Variants in PCDHA4 observed in about 807,000 individuals in gnomAD.
PCDHA4 encodes the protein protocadherin alpha-4.
A neutral mutation model predicts 61.4 loss-of-function variants in PCDHA4; 49 were observed. The observed-to-expected ratio is 0.80, with a 90% confidence interval of 0.63 to 1.01. The LOEUF (loss-of-function observed/expected upper bound fraction) is 1.01, where lower values mean the gene tolerates loss of function less well. Among genes scored for constraint, PCDHA4 ranks in the 50% least tolerant of loss-of-function variants. The probability of loss-of-function intolerance (pLI) is 0.00; values close to 1 mark genes in which losing one functional copy is unlikely to be tolerated. For missense variants in PCDHA4, 1,254 were observed against 1,235.8 expected, an observed-to-expected ratio of 1.01 and a Z score of -0.22; for synonymous variants, 590 against 550.3, an observed-to-expected ratio of 1.07 and a Z score of -1.01.
rs2098414068 is a variant in PCDHA4 at position 141,009,729 on chromosome 5, G to T, written c.2636G>T (p.Gly879Val). The T allele has an allele frequency of 6.2e-7, 1 of 1,614,168 alleles. No homozygotes were observed. The highest frequency in any genetic ancestry group is 8.5e-7 in the Non-Finnish European group (1 of 1,180,028). ...GGCAACCCCAAACAATCCGGTCCCG[G>T]TGAGTTGCCCGACAAATTCATTATC... is the stretch of plus-strand genomic sequence containing the variant. ...GPGNPKQSGPGELPDKFIIPG... is the reference protein window; with the variant it reads ...GPGNPKQSGPVELPDKFIIPG... Residue 879 changes from glycine (G) to valine (V), a missense_variant, in exon 4 of 4, where the codon GGT becomes GTT. Transcript: ENST00000530339.
chr5:140,853,024 G>T, intron 1 of PCDHA4: 1 of 260,054 alleles, frequency 3.8e-6, no homozygotes, highest in Non-Finnish European at 6.3e-6. Context: ...GACTACAGGC[G>T]CCTGCCACCA....
At chr5:140,928,271 C>G in intron 1 of PCDHA4, 2 of 1,614,186 alleles carry the variant, frequency 1.2e-6, no homozygotes, top group East Asian at 4.5e-5. Flanking sequence ...AACAATGGCC[C>G]TGGGGCCTCT....
intron 2 of PCDHA4, among the ~76,000 whole-genome samples, chr5:140,980,115 G>A (rs1263722649): frequency 6.6e-6 from 1 of 152,142 alleles, no homozygotes; most frequent in African/African-American, 2.4e-5. Flanking sequence ...ATTGGAACCT[G>A]GGTCATAATT....
At chr5:140,952,057 C>T (rs1214818651) in intron 1 of PCDHA4, among the ~76,000 whole-genome samples, 1 of 152,164 alleles carries the variant, frequency 6.6e-6, no homozygotes, top group Non-Finnish European at 1.5e-5. Flanking sequence ...AATCTTAAAG[C>T]TCCAAATAAT....
intron 1 of PCDHA4, chr5:140,848,650 T>C (rs1343958164): frequency 6.3e-6 from 10 of 1,592,776 alleles, no homozygotes; most frequent in Non-Finnish European, 8.6e-6. Flanking sequence ...GCGCAGGACC[T>C]GGGGCTGGAG....
intron 1 of PCDHA4, chr5:140,824,623 T>TGTTTG (rs1562279853): frequency 7.6e-6 from 1 of 132,188 alleles, no homozygotes; most frequent in African/African-American, 3.3e-5. Flanking sequence ...TTTTTTTTTT[T>TGTTTG]TTTTTTTTTA....
At position 140,858,127 on chromosome 5, in the gene PCDHA4, T is replaced by C. The variant is rs782220285; in HGVS notation, c.2385+48555T>C. 41 of 1,597,502 alleles carry C rather than the reference T, an allele frequency of 2.6e-5. 1 individual carries two copies. The highest frequency in any genetic ancestry group is 1.7e-4 in the Admixed American group (10 of 59,294). ...TGGCGCCCGAGGTGGCCCTGGTGGATGTCAACGTGTACCTGATCATCGCCA... is the reference window on the plus strand; with the variant it reads ...TGGCGCCCGAGGTGGCCCTGGTGGACGTCAACGTGTACCTGATCATCGCCA... On this transcript the variant is annotated intron_variant, in intron 1 of 3. Coordinates refer to ENST00000530339, the MANE Select transcript of PCDHA4 (RefSeq NM_018907.4).
chr5:140,914,771 ACTTAT>A (rs1394572780), intron 1 of PCDHA4, among the ~76,000 whole-genome samples: 1 of 151,760 alleles, frequency 6.6e-6, no homozygotes, highest in Non-Finnish European at 1.5e-5. Context: ...GAGGTTTATG[ACTTAT>A]CTTATGACCC....
intron 3 of PCDHA4, among the ~76,000 whole-genome samples, chr5:141,008,500 A>C (rs2098379990): frequency 6.6e-6 from 1 of 152,072 alleles, no homozygotes; most frequent in African/African-American, 2.4e-5. Context: ...GGTATACTTT[A>C]TGGTGTGTCT....
rs1479171365 is a variant in PCDHA4, at chr5:140,869,633, A to AT, written c.2385+60066dup. 9 of 1,613,494 alleles carry AT rather than the reference A, an allele frequency of 5.6e-6. No homozygotes were observed. In the African/African-American group the frequency reaches 8.0e-5, roughly 14 times the overall value. On this transcript the variant is annotated intron_variant, in intron 1 of 3. Coordinates refer to ENST00000530339, the MANE Select transcript of PCDHA4 (RefSeq NM_018907.4). ...ACCTACAGGCTAAGTAAAAATGAGT[A>AT]TTTTTCTTTAGATTCACCAACAAAT...
chr5:140,834,368 A>C (rs2150215878), intron 1 of PCDHA4: 10 of 1,555,242 alleles, frequency 6.4e-6, no homozygotes, highest in African/African-American at 1.4e-5. Flanking sequence ...CTAGAAAAAC[A>C]AGCCAATAAT....
chr5:140,813,414 T>A (rs1343371615), intron 1 of PCDHA4: 3 of 152,234 alleles, frequency 2.0e-5, no homozygotes, highest in South Asian at 2.1e-4. Context: ...CCTGTACATA[T>A]GTTAACTGTA....
At position 141,011,699 on chromosome 5, in the gene PCDHA4, A is replaced by G. The variant is rs537913184; in HGVS notation, c.*1762A>G. 6.5e-6 allele frequency: 1 copy of G among 153,890 alleles called. No homozygotes were observed. Among genetic ancestry groups the G allele is most frequent in the African/African-American group, 2.4e-5 (1 of 41,578 alleles). 9.5% of individuals were successfully genotyped at this position (153,890 alleles called of 1,614,324 possible). A position where few individuals can be genotyped will look rare whatever the true frequency, so the allele number is the denominator to read the frequency against. ...TTGTTCTAGTAACAATTTTGGAATG[A>G]ATACTGACAATATTCCATGAGGGTG... On this transcript the variant is annotated 3_prime_UTR_variant, in exon 4 of 4. Coordinates refer to ENST00000530339, the MANE Select transcript of PCDHA4 (RefSeq NM_018907.4).
chr5:140,834,721 C>A (rs2150224932), intron 1 of PCDHA4: 1 of 1,614,220 alleles, frequency 6.2e-7, no homozygotes, highest in South Asian at 1.1e-5. Context: ...GTGGAAAGGC[C>A]GCTGCAGGTT....
chr5:140,912,426 G>T (rs1349647535), intron 1 of PCDHA4, among the ~76,000 whole-genome samples: 1 of 151,784 alleles, frequency 6.6e-6, no homozygotes, highest in Non-Finnish European at 1.5e-5. Flanking sequence ...GTGTATAGCA[G>T]TGTTGCTGAT....
chr5:140,919,080 T>C (rs1208413625), intron 1 of PCDHA4, among the ~76,000 whole-genome samples: 1 of 152,260 alleles, frequency 6.6e-6, no homozygotes, highest in Non-Finnish European at 1.5e-5. Flanking sequence ...GTTATGACTA[T>C]TGAATTGTCT....
intron 1 of PCDHA4, chr5:140,834,395 G>T (rs2150216541): frequency 6.3e-7 from 1 of 1,598,712 alleles, no homozygotes; most frequent in Non-Finnish European, 8.5e-7. Context: ...TGGTGTGCCC[G>T]AATGGATACG....
intron 1 of PCDHA4, among the ~76,000 whole-genome samples, chr5:140,956,090 C>T (rs964801271): frequency 1.3e-5 from 2 of 152,162 alleles, no homozygotes; most frequent in Non-Finnish European, 2.9e-5. Flanking sequence ...ATGTCATCTG[C>T]AAACAAAGAT....
Position 141,009,658 on chromosome 5 carries a change from C to T in PCDHA4, c.2565C>T (p.Val855=), listed in dbSNP as rs571898721. The T allele has an allele frequency of 6.2e-6, 10 of 1,613,948 alleles. No individual in the cohort carries two copies. Among genetic ancestry groups the T allele is most frequent in the South Asian group, 4.4e-5 (4 of 91,030 alleles). The change falls in exon 4 of 4, where the codon GTC becomes GTT. Residue 855 remains valine, a synonymous_variant. Transcript: ENST00000530339. ...EPEAGEVSPP[V]GAGVNSNSWT... ...AGGCAGGAGAAGTGTCCCCTCCAGT[C>T]GGTGCGGGTGTCAACAGCAACAGCT...
Sources: gnomAD v4.1 joint callset for allele counts (sites outside exome capture counted in the v4.1 genomes callset) on GRCh38, gnomAD v4.1.1 for gene constraint, MANE v1.5 for transcripts, NCBI Gene and HGNC (gene_info 2026-07-23, HGNC 2026-07-21) for gene names.